ZDHHC21: variants seen among roughly 807,000 people sequenced by gnomAD.
ZDHHC21 encodes the protein zDHHC palmitoyltransferase 21, also known as palmitoyltransferase ZDHHC21.
Under a neutral mutation model 34.6 loss-of-function variants are expected in ZDHHC21, and 15 were observed. The ratio of observed to expected loss-of-function variants is 0.43; its 90% CI spans 0.29 to 0.67. The LOEUF (loss-of-function observed/expected upper bound fraction) is 0.67, where lower values mean the gene tolerates loss of function less well. ZDHHC21 is among the 30% of genes least tolerant of loss of function. ZDHHC21 has a pLI of 0.14. For missense variants in ZDHHC21, 344 were observed against 327.7 expected (o/e 1.05, Z -0.38); for synonymous variants, 142 against 101.8 (o/e 1.40, Z -2.38).
At chr9:14,597,167 C>T in the ZDHHC21 span, among the ~76,000 whole-genome samples, 11,770 of 152,118 alleles carry the variant, frequency 0.077, 1,172 homozygotes, top group African/African-American at 0.23. Flanking sequence ...CCACACACCC[C>T]GAGACCCAAG....
chr9:14,660,372 C>CAAAA (rs374162221), intron 6 of ZDHHC21, among the ~76,000 whole-genome samples: 3,555 of 58,544 alleles, frequency 0.061, 364 homozygotes, highest in Admixed American at 0.098. Flanking sequence ...GACTCCATCT[C>CAAAA]AAAAAAAAAA....
the ZDHHC21 span, among the ~76,000 whole-genome samples, chr9:14,601,547 G>C: frequency 6.6e-6 from 1 of 152,282 alleles, no homozygotes; most frequent in Non-Finnish European, 1.5e-5. Flanking sequence ...CACTGCTGGT[G>C]GGAGTGTAAA....
chr9:14,648,225 T>G (rs185804758), intron 7 of ZDHHC21, among the ~76,000 whole-genome samples: 47 of 152,236 alleles, frequency 3.1e-4, no homozygotes, highest in African/African-American at 1.1e-3. Flanking sequence ...CTACCACTAC[T>G]AATAATCATT....
chr9:14,661,078 G>C (rs371770318), intron 6 of ZDHHC21, among the ~76,000 whole-genome samples: 8 of 152,250 alleles, frequency 5.3e-5, no homozygotes, highest in South Asian at 4.1e-4. Flanking sequence ...TCAAGGCACA[G>C]TTTTGAATAT....
chr9:14,597,725 T>C, the ZDHHC21 span, among the ~76,000 whole-genome samples: 34,490 of 151,910 alleles, frequency 0.23, 6,152 homozygotes, highest in African/African-American at 0.48. Flanking sequence ...TGAGAACTGA[T>C]CTGCCCTACC....
In ZDHHC21 at chr9:14,614,673, T is replaced by C. The variant is rs1279507738; in HGVS notation, c.*4293A>G. On this transcript the variant is annotated 3_prime_UTR_variant, in exon 10 of 10. Transcript: ENST00000380916. The stretch of plus-strand genomic sequence containing the variant: ...ATTTCTAGAATAAAAGTTAACAAAC[T>C]TGGGCATTAAATAACACATTCATTA... 2.0e-5 allele frequency: 3 copies of C among 151,716 alleles called. No homozygotes were observed. The highest frequency in any genetic ancestry group is 4.4e-5 in the Non-Finnish European group (3 of 67,708). The allele number at this position is 151,716 out of a possible 1,614,324, so 9.4% of individuals were successfully genotyped here. A position where few individuals can be genotyped will look rare whatever the true frequency, so the allele number is the denominator to read the frequency against.
chr9:14,627,534 CTG>C (rs943504779), intron 8 of ZDHHC21, among the ~76,000 whole-genome samples: 10 of 152,120 alleles, frequency 6.6e-5, no homozygotes, highest in African/African-American at 2.4e-4. Context: ...CTAAATACAT[CTG>C]TCTCACCCTA....
intron 7 of ZDHHC21, 47 bp from the exon 8 acceptor site, chr9:14,640,059 T>C (rs1431358822): frequency 1.0e-6 from 1 of 994,718 alleles, no homozygotes; most frequent in Non-Finnish European, 1.5e-6. Context: ...GTTGCTTACA[T>C]TGCTTACAGT....
At chr9:14,670,392 C>A (rs1374709703) in intron 5 of ZDHHC21, among the ~76,000 whole-genome samples, 1 of 152,060 alleles carries the variant, frequency 6.6e-6, no homozygotes, top group Non-Finnish European at 1.5e-5. Flanking sequence ...ATAATTTTTA[C>A]AATTTTAAAT....
chr9:14,628,488 T>C (rs1247652186), intron 8 of ZDHHC21, among the ~76,000 whole-genome samples: 1 of 152,200 alleles, frequency 6.6e-6, no homozygotes, highest in Non-Finnish European at 1.5e-5. Context: ...AGTAGGTCTA[T>C]ATTCAAGCTA....
intron 5 of ZDHHC21, among the ~76,000 whole-genome samples, chr9:14,667,835 T>C (rs1453318458): frequency 1.3e-4 from 3 of 22,936 alleles, no homozygotes; most frequent in Admixed American, 4.1e-4. Context: ...AAATTAGGTA[T>C]TGATGGGACG....
chr9:14,636,561 T>C (rs146931950), intron 8 of ZDHHC21, among the ~76,000 whole-genome samples: 9 of 152,240 alleles, frequency 5.9e-5, no homozygotes, highest in Middle Eastern at 3.4e-3. Flanking sequence ...CTGGACCTAA[T>C]AGATATTTAC....
At chr9:14,592,822 A>C in the ZDHHC21 span, among the ~76,000 whole-genome samples, 92,740 of 152,012 alleles carry the variant, frequency 0.61, 28,690 homozygotes, top group African/African-American at 0.67. Flanking sequence ...AGTGTGTTTT[A>C]CAGCCACAAA....
At chr9:14,677,817 T>G (rs1836692654) in intron 3 of ZDHHC21, among the ~76,000 whole-genome samples, 3 of 152,144 alleles carry the variant, frequency 2.0e-5, no homozygotes. Context: ...CACTATTTTT[T>G]GCCTTTTCAG....
At chr9:14,678,878 G>C (rs942446094) in intron 3 of ZDHHC21, among the ~76,000 whole-genome samples, 2 of 151,976 alleles carry the variant, frequency 1.3e-5, no homozygotes, top group South Asian at 4.2e-4. Context: ...ATTTAGATCT[G>C]CATATAACTA....
In ZDHHC21 at chr9:14,662,298, C is replaced by A. The variant is rs1833555029; in HGVS notation, c.282G>T (p.Lys94Asn). 1 of 1,610,832 alleles carries A rather than the reference C, an allele frequency of 6.2e-7. No homozygotes were observed. The highest frequency in any genetic ancestry group is 1.1e-5 in the South Asian group (1 of 90,420). ...GEREFWELCN[K>N]CNLMRPKRSH... ...AACGCTTTGGTCTCATCAAATTACA[C>A]TTGTTACATAATTCCCAGAACTCCC... The change falls in exon 6 of 10, where the codon AAG (lysine) becomes AAT (asparagine). Residue 94 changes from lysine (K) to asparagine (N), a missense_variant. Coordinates refer to ENST00000380916, the MANE Select transcript of ZDHHC21 (RefSeq NM_178566.6).
rs956004499 is a variant in ZDHHC21, at chr9:14,613,636, G to A, written c.*5330C>T. 1 of 151,724 alleles carries A rather than the reference G, an allele frequency of 6.6e-6. No individual in the cohort carries two copies. The highest frequency in any genetic ancestry group is 1.5e-5 in the Non-Finnish European group (1 of 67,764). 9.4% of individuals were successfully genotyped at this position (151,724 alleles called of 1,614,324 possible). A position where few individuals can be genotyped will look rare whatever the true frequency, so the allele number is the denominator to read the frequency against. ...ATCAGTGTTGAACTGTTATAAGAAC[G>A]ACATTACATGTTACAGATATTCAAA... On this transcript the variant is annotated 3_prime_UTR_variant, in exon 10 of 10. Transcript: ENST00000380916.
intron 2 of ZDHHC21, among the ~76,000 whole-genome samples, chr9:14,686,714 T>C (rs1474804463): frequency 6.6e-6 from 1 of 152,124 alleles, no homozygotes; most frequent in Admixed American, 6.5e-5. Flanking sequence ...GGCTCATGCC[T>C]GTAATCCCAG....
At chr9:14,675,995 T>C (rs2131555009) in intron 3 of ZDHHC21, among the ~76,000 whole-genome samples, 1 of 152,042 alleles carries the variant, frequency 6.6e-6, no homozygotes, top group Non-Finnish European at 1.5e-5. Flanking sequence ...TGCTAAGAAA[T>C]ATGGGCCTAT....
Sources: allele counts gnomAD v4.1 joint callset (sites outside exome capture counted in the v4.1 genomes callset), GRCh38; gene constraint gnomAD v4.1.1; transcripts MANE v1.5; gene names NCBI Gene and HGNC (gene_info 2026-07-23, HGNC 2026-07-21).